Variants in GATAD2A observed in about 807,000 individuals in gnomAD.
GATAD2A encodes the protein transcriptional repressor p66-alpha.
Under a neutral mutation model 68.5 loss-of-function variants are expected in GATAD2A, and 12 were observed. The observed-to-expected ratio is 0.18, with a 90% CI of 0.11 to 0.28. The LOEUF (loss-of-function observed/expected upper bound fraction) is 0.28, where lower values mean the gene tolerates loss of function less well. Ranked by LOEUF, GATAD2A falls within the 10% of genes least tolerant of loss-of-function variation. The probability of loss-of-function intolerance (pLI) is 1.00; values close to 1 mark genes in which losing one functional copy is unlikely to be tolerated. For synonymous variants in GATAD2A, 410 were observed against 375.3 expected (o/e 1.09, Z -1.07); for missense variants, 755 against 868.5 (o/e 0.87, Z 1.64).
At chr19:19,441,408 G>C (rs1375753673) in intron 1 of GATAD2A, among the ~76,000 whole-genome samples, 1 of 150,776 alleles carries the variant, frequency 6.6e-6, no homozygotes, top group African/African-American at 2.4e-5. Context: ...TTTTATTTTT[G>C]GGCAGGGTCT....
At chr19:19,481,142 G>A (rs1335762132) in intron 2 of GATAD2A, among the ~76,000 whole-genome samples, 9 of 152,124 alleles carry the variant, frequency 5.9e-5, no homozygotes, top group Non-Finnish European at 1.3e-4. Context: ...AGTGGGCCTA[G>A]CATGGGTGTA....
chr19:19,434,272 C>G (rs1004963053), intron 1 of GATAD2A, among the ~76,000 whole-genome samples: 1 of 152,134 alleles, frequency 6.6e-6, no homozygotes, highest in African/African-American at 2.4e-5. Flanking sequence ...TGAGGCTTCC[C>G]ACCCTCGGGG....
At chr19:19,432,203 G>T (rs1047984806) in intron 1 of GATAD2A, among the ~76,000 whole-genome samples, 1 of 152,148 alleles carries the variant, frequency 6.6e-6, no homozygotes, top group African/African-American at 2.4e-5. Context: ...TTGAGCTCCT[G>T]ATCTCAGGTG....
chr19:19,485,971 C>A (rs563330454), intron 2 of GATAD2A, among the ~76,000 whole-genome samples: 5 of 152,130 alleles, frequency 3.3e-5, no homozygotes, highest in Admixed American at 6.5e-5. Context: ...TCTATGTGCA[C>A]GAGGGAAGCA....
At chr19:19,453,154 C>T (rs1009232843) in intron 1 of GATAD2A, among the ~76,000 whole-genome samples, 1 of 152,224 alleles carries the variant, frequency 6.6e-6, no homozygotes, top group Non-Finnish European at 1.5e-5. Flanking sequence ...CTCCTGGGCC[C>T]CCAGGCTGGG....
intron 7 of GATAD2A, among the ~76,000 whole-genome samples, chr19:19,497,817 G>T (rs185784165): frequency 1.1e-3 from 166 of 152,330 alleles, no homozygotes; most frequent in African/African-American, 3.8e-3. Flanking sequence ...TCCAGCAGTT[G>T]TGGGGCTGGT....
chr19:19,504,445 T>C (rs1314818340), intron 11 of GATAD2A, among the ~76,000 whole-genome samples: 1 of 152,068 alleles, frequency 6.6e-6, no homozygotes, highest in African/African-American at 2.4e-5. Flanking sequence ...TGGAAATGTG[T>C]GTCTTGCGTT....
chr19:19,492,814 T>TGA (rs1188956017), intron 4 of GATAD2A, 102 bp downstream of exon 4: 1 of 1,201,018 alleles, frequency 8.3e-7, no homozygotes, highest in Non-Finnish European at 1.2e-6. Flanking sequence ...AGGGCTTCCT[T>TGA]GAGGGAGTAT....
At chr19:19,451,114 C>T (rs974916882) in intron 1 of GATAD2A, among the ~76,000 whole-genome samples, 2 of 151,890 alleles carry the variant, frequency 1.3e-5, no homozygotes, top group African/African-American at 4.8e-5. Flanking sequence ...GTGGCTTACT[C>T]CTGTAATCCC....
Position 19,436,636 on chromosome 19 carries a change from T to TA in GATAD2A, c.-6-28703dup, listed in dbSNP as rs1367846368. 2.0e-5 allele frequency among the ~76,000 whole-genome samples: 3 copies of TA among 152,334 alleles called. No individual in the cohort carries two copies. In the East Asian group the frequency reaches 5.8e-4, roughly 29 times the overall value. On this transcript the variant is annotated intron_variant, in intron 1 of 11. Transcript: ENST00000683918. ...ACTGGTTCTTGGAGCTGGTTGCCCT[T>TA]ACCTTGCCTCGTGCCTCATGGCAAA...
At chr19:19,455,619 A>C (rs2056855333) in intron 1 of GATAD2A, among the ~76,000 whole-genome samples, 1 of 152,216 alleles carries the variant, frequency 6.6e-6, no homozygotes, top group African/African-American at 2.4e-5. Context: ...TATTATAAGT[A>C]ATCTAGAGGT....
intron 1 of GATAD2A, among the ~76,000 whole-genome samples, chr19:19,456,070 A>T (rs1282635946): frequency 6.7e-6 from 1 of 150,158 alleles, no homozygotes; most frequent in African/African-American, 2.4e-5. Flanking sequence ...AGGAGAATGG[A>T]GTGAACACGG....
chr19:19,493,001 C>T (rs1291215432), intron 4 of GATAD2A, among the ~76,000 whole-genome samples: 2 of 148,452 alleles, frequency 1.3e-5, no homozygotes, highest in African/African-American at 2.5e-5. Flanking sequence ...AGTGCATTGA[C>T]GCAACCTTGG....
rs1260209184 is a variant in GATAD2A, at chr19:19,491,271, CAA to C, written c.270-1032_270-1031del. ...TTGTGACCATACTTTGACAAAATAA[CAA>C]AAGAGGAAAGCCTGCAAGTACTTCC... On this transcript the variant is annotated intron_variant, in intron 2 of 11. Coordinates refer to ENST00000683918, the MANE Select transcript of GATAD2A (RefSeq NM_001384528.1). 7.9e-5 allele frequency among the ~76,000 whole-genome samples: 12 copies of C among 152,262 alleles called. 1 individual carries two copies. In the South Asian group the frequency reaches 1.9e-3, roughly 24 times the overall value.
intron 1 of GATAD2A, among the ~76,000 whole-genome samples, chr19:19,463,406 T>C (rs2057617261): frequency 1.3e-5 from 2 of 152,158 alleles, no homozygotes; most frequent in East Asian, 3.9e-4. Context: ...AGGGACACCG[T>C]AGCATTCCTC....
chr19:19,489,435 G>A (rs2059641759), intron 2 of GATAD2A, among the ~76,000 whole-genome samples: 1 of 152,260 alleles, frequency 6.6e-6, no homozygotes, highest in Admixed American at 6.5e-5. Context: ...GGAGGGAAAT[G>A]CCTTTGTCAC....
intron 1 of GATAD2A, chr19:19,465,086 G>A (rs1367106101): frequency 3.5e-6 from 2 of 566,574 alleles, no homozygotes; most frequent in East Asian, 6.0e-5. Context: ...CCCCAACAGG[G>A]CAGGGTGTAG....
At chr19:19,504,291 A>C (rs1263433094) in intron 11 of GATAD2A, among the ~76,000 whole-genome samples, 1 of 152,250 alleles carries the variant, frequency 6.6e-6, no homozygotes, top group Non-Finnish European at 1.5e-5. Flanking sequence ...TCCAATTATA[A>C]AAATGATATT....
At chr19:19,491,958 G>A (rs886931110) in intron 2 of GATAD2A, among the ~76,000 whole-genome samples, 4 of 152,220 alleles carry the variant, frequency 2.6e-5, no homozygotes, top group African/African-American at 7.2e-5. Flanking sequence ...ATCCCGAGCC[G>A]AGTGTTTACC....
Sources: allele counts gnomAD v4.1 joint callset (sites outside exome capture counted in the v4.1 genomes callset), GRCh38; gene constraint gnomAD v4.1.1; transcripts MANE v1.5; gene names NCBI Gene and HGNC (gene_info 2026-07-23, HGNC 2026-07-21).